JADE2: variants seen among roughly 807,000 people sequenced by gnomAD.
JADE2 encodes jade family PHD finger 2, also known as E3 ubiquitin-protein ligase Jade-2.
A neutral mutation model predicts 85.7 loss-of-function variants in JADE2; 13 were observed. That is an observed-to-expected ratio of 0.15 (90% CI 0.10 to 0.24). JADE2 has a LOEUF of 0.24. JADE2 is among the 10% of genes least tolerant of loss of function. The probability of loss-of-function intolerance (pLI) is 1.00; values close to 1 mark genes in which losing one functional copy is unlikely to be tolerated. For synonymous variants in JADE2, 440 were observed against 456.1 expected, an observed-to-expected ratio of 0.96 and a Z score of 0.45; for missense variants, 846 against 1,115.9, an observed-to-expected ratio of 0.76 and a Z score of 3.45.
At chr5:134,569,809 G>A (rs576949202) in intron 9 of JADE2, among the ~76,000 whole-genome samples, 78 of 152,252 alleles carry the variant, frequency 5.1e-4, no homozygotes, top group African/African-American at 1.8e-3. Flanking sequence ...AGCCAACCTT[G>A]TCCTGGGCAG....
intron 3 of JADE2, among the ~76,000 whole-genome samples, chr5:134,542,327 C>A (rs1174998092): frequency 6.6e-6 from 1 of 151,950 alleles, no homozygotes; most frequent in Non-Finnish European, 1.5e-5. Flanking sequence ...TGGAACACAT[C>A]TCTGAGAATC....
At position 134,525,738 on chromosome 5, in the gene JADE2, G is replaced by C. The variant is rs746209708; in HGVS notation, c.-274G>C. 7.3e-6 allele frequency: 9 copies of C among 1,231,900 alleles called. No individual in the cohort carries two copies. The highest frequency in any genetic ancestry group is 7.4e-5 in the East Asian group (1 of 13,424). The allele number at this position is 1,231,900 out of a possible 1,614,324, so 76.3% of individuals were successfully genotyped here. Reference sequence around the variant, plus strand: ...ATCGCAGTTGGAGGCTATTTTTTGGGGGGGGTGAGTAGCGTCCATGGAGTT... The same window carrying C: ...ATCGCAGTTGGAGGCTATTTTTTGGCGGGGGTGAGTAGCGTCCATGGAGTT... On this transcript the variant is annotated 5_prime_UTR_variant, in exon 1 of 12. Coordinates refer to ENST00000681547, the MANE Select transcript of JADE2 (RefSeq NM_001388185.1).
At chr5:134,552,504 C>T (rs1762650693) in intron 4 of JADE2, among the ~76,000 whole-genome samples, 1 of 152,070 alleles carries the variant, frequency 6.6e-6, no homozygotes, top group African/African-American at 2.4e-5. Flanking sequence ...GCCTCAGTTT[C>T]CTTATCTATG....
chr5:134,547,671 A>C (rs1339297197), intron 3 of JADE2, among the ~76,000 whole-genome samples: 1 of 152,226 alleles, frequency 6.6e-6, no homozygotes. Flanking sequence ...TTTTTATATA[A>C]ATGCACAGAG....
At chr5:134,555,889 G>A (rs1762881306) in intron 4 of JADE2, among the ~76,000 whole-genome samples, 1 of 152,132 alleles carries the variant, frequency 6.6e-6, no homozygotes, top group South Asian at 2.1e-4. Flanking sequence ...CCTTCATGTG[G>A]GCCTCTTGTG....
chr5:134,567,607 G>A lies in JADE2; in HGVS notation c.1434+1027G>A, dbSNP rs185427129. Among the ~76,000 whole-genome samples the A allele has an allele frequency of 2.6e-5, 4 of 152,286 alleles. No homozygotes were observed. The East Asian group carries it at 7.7e-4, about 29-fold the overall frequency. On this transcript the variant is annotated intron_variant, in intron 9 of 11. Coordinates refer to ENST00000681547, the MANE Select transcript of JADE2 (RefSeq NM_001388185.1). Reference sequence around the variant, plus strand: ...ATAGCCCTGGGCAGGAGCATGCAGGGAACGTTGTGTGACCCAAGGCGCCTG... The same window carrying A: ...ATAGCCCTGGGCAGGAGCATGCAGGAAACGTTGTGTGACCCAAGGCGCCTG...
At position 134,562,448 on chromosome 5, in the gene JADE2, C is replaced by G; in HGVS notation, c.852+81C>G. On this transcript the variant is annotated intron_variant, in intron 7 of 11. Transcript: ENST00000681547. The surrounding 1 kb of genome is among the most constrained non-coding windows in gnomAD (Gnocchi z 4.6). ...TGCATGGGACTCAGGTAGCAGAGCACTGGGAAAAGAAGGTGATGGACTCGC... is the reference window on the plus strand; with the variant it reads ...TGCATGGGACTCAGGTAGCAGAGCAGTGGGAAAAGAAGGTGATGGACTCGC... 7.4e-7 allele frequency: 1 copy of G among 1,358,318 alleles called. No homozygotes were observed. The highest frequency in any genetic ancestry group is 1.0e-6 in the Non-Finnish European group (1 of 986,656). The allele number at this position is 1,358,318 out of a possible 1,614,324, so 84.1% of individuals were successfully genotyped here. A position where few individuals can be genotyped will look rare whatever the true frequency, so the allele number is the denominator to read the frequency against.
At position 134,562,471 on chromosome 5, in the gene JADE2, C is replaced by A; in HGVS notation, c.852+104C>A. 1 of 1,179,984 alleles carries A rather than the reference C, an allele frequency of 8.5e-7. No individual in the cohort carries two copies. The highest frequency in any genetic ancestry group is 1.2e-6 in the Non-Finnish European group (1 of 840,754). 73.1% of individuals were successfully genotyped at this position (1,179,984 alleles called of 1,614,324 possible). ...CACTGGGAAAAGAAGGTGATGGACTCGCACTAAAACACTGAGATCGGCCGG... is the reference window on the plus strand; with the variant it reads ...CACTGGGAAAAGAAGGTGATGGACTAGCACTAAAACACTGAGATCGGCCGG... On this transcript the variant is annotated intron_variant, in intron 7 of 11. Coordinates refer to ENST00000681547, the MANE Select transcript of JADE2 (RefSeq NM_001388185.1). The surrounding 1 kb of genome is among the most constrained non-coding windows in gnomAD (Gnocchi z 4.6).
chr5:134,550,437 T>A (rs756358590), intron 3 of JADE2, among the ~76,000 whole-genome samples: 1 of 152,208 alleles, frequency 6.6e-6, no homozygotes, highest in Non-Finnish European at 1.5e-5. Context: ...TCATGAGCCT[T>A]CAGAAGGCTG....
chr5:134,575,717 G>A (rs921816332), intron 10 of JADE2: 1 of 107,396 alleles, frequency 9.3e-6, no homozygotes, highest in African/African-American at 3.4e-5. Flanking sequence ...AGACCAGCCT[G>A]TCTCTACAAA....
intron 4 of JADE2, among the ~76,000 whole-genome samples, chr5:134,552,911 G>A (rs1317067739): frequency 2.7e-5 from 4 of 150,150 alleles, no homozygotes; most frequent in Admixed American, 6.7e-5. Context: ...GGGCTCAAGC[G>A]ATCTGTCCAC....
At position 134,562,407 on chromosome 5, in the gene JADE2, C is replaced by A; in HGVS notation, c.852+40C>A. On this transcript the variant is annotated intron_variant, in intron 7 of 11. Transcript: ENST00000681547. The surrounding 1 kb of genome is among the most constrained non-coding windows in gnomAD (Gnocchi z 4.6). ...AGGTGAGGCAGCCCAAGGAATAGCC[C>A]GTGGGGAAGTGGGTCTGCATGGGAC... 1 of 1,569,646 alleles carries A rather than the reference C, an allele frequency of 6.4e-7. No individual in the cohort carries two copies. The highest frequency in any genetic ancestry group is 8.7e-7 in the Non-Finnish European group (1 of 1,150,446).
upstream of JADE2, among the ~76,000 whole-genome samples, chr5:134,524,928 G>A (rs577585673): frequency 2.6e-5 from 4 of 152,236 alleles, no homozygotes; most frequent in East Asian, 3.9e-4. Context: ...AAAACGCCAC[G>A]CAATTTATTC....
chr5:134,533,276 G>A (rs1205750480), intron 1 of JADE2, among the ~76,000 whole-genome samples: 2 of 152,186 alleles, frequency 1.3e-5, no homozygotes, highest in African/African-American at 4.8e-5. Flanking sequence ...GCTTTACACT[G>A]TTCTTATTTA....
chr5:134,524,657 C>A (rs751345646), upstream of JADE2, among the ~76,000 whole-genome samples: 17 of 152,176 alleles, frequency 1.1e-4, no homozygotes, highest in Non-Finnish European at 2.1e-4. Flanking sequence ...ACTGCCTTCT[C>A]CACCCCCCGG....
chr5:134,528,815 G>A (rs1343209054), intron 1 of JADE2, among the ~76,000 whole-genome samples: 1 of 152,236 alleles, frequency 6.6e-6, no homozygotes, highest in East Asian at 1.9e-4. Context: ...AAGTGTTTAA[G>A]GATAGAGTTG....
chr5:134,568,928 T>A (rs1387530678), intron 9 of JADE2, among the ~76,000 whole-genome samples: 1 of 152,210 alleles, frequency 6.6e-6, no homozygotes, highest in East Asian at 1.9e-4. Flanking sequence ...AGCCTGTAAC[T>A]GGGCACTAAG....
At chr5:134,548,348 T>A (rs1762413422) in intron 3 of JADE2, among the ~76,000 whole-genome samples, 1 of 152,192 alleles carries the variant, frequency 6.6e-6, no homozygotes, top group South Asian at 2.1e-4. Context: ...ACACCTTGGG[T>A]GGGTGATTTA....
chr5:134,579,367 T>C lies in JADE2; in HGVS notation c.*50T>C, dbSNP rs201209054. On this transcript the variant is annotated 3_prime_UTR_variant, in exon 12 of 12. Transcript: ENST00000681547. This position sits in a 1 kb window ranked among gnomAD's most constrained non-coding sequence, Gnocchi z 4.6. ...CCTGCCCTGGTCCCCCCACAAGGCCTCAGCCCAGTCACAACTGCCATTTCC... is the reference window on the plus strand; with the variant it reads ...CCTGCCCTGGTCCCCCCACAAGGCCCCAGCCCAGTCACAACTGCCATTTCC... The C allele has an allele frequency of 9.1e-3, 12,780 of 1,400,564 alleles. 86 individuals are homozygous for C. Among genetic ancestry groups the C allele is most frequent in the Non-Finnish European group, 0.011 (11,440 of 1,045,448 alleles). 86.8% of individuals were successfully genotyped at this position (1,400,564 alleles called of 1,614,324 possible). A position where few individuals can be genotyped will look rare whatever the true frequency, so the allele number is the denominator to read the frequency against.
Sources: allele counts gnomAD v4.1 joint callset (sites outside exome capture counted in the v4.1 genomes callset), GRCh38; gene constraint gnomAD v4.1.1; non-coding constraint Gnocchi (gnomAD v3.1); transcripts MANE v1.5; gene names NCBI Gene and HGNC (gene_info 2026-07-23, HGNC 2026-07-21).